The following MATN2 variants were observed in gnomAD, a reference collection of about 807,000 sequenced individuals.
MATN2 encodes matrilin 2.
A neutral mutation model predicts 103.2 loss-of-function variants in MATN2; 69 were observed. The ratio of observed to expected loss-of-function variants is 0.67; its 90% CI spans 0.55 to 0.82. The LOEUF is 0.82. MATN2 is among the 40% of genes least tolerant of loss of function. The probability of loss-of-function intolerance (pLI) is 0.00; values close to 1 mark genes in which losing one functional copy is unlikely to be tolerated. For synonymous variants in MATN2, 429 were observed against 450.2 expected (o/e 0.95, Z 0.60); for missense variants, 1,023 against 1,211.5 (o/e 0.84, Z 2.31).
intron 5 of MATN2, among the ~76,000 whole-genome samples, chr8:97,978,539 G>A (rs898602879): frequency 6.6e-6 from 1 of 152,074 alleles, no homozygotes; most frequent in Non-Finnish European, 1.5e-5. Flanking sequence ...CATTAATAAC[G>A]CTGCTGCCTT....
At chr8:97,920,152 ATTGCT>A (rs2130103645) in intron 2 of MATN2, among the ~76,000 whole-genome samples, 1 of 152,306 alleles carries the variant, frequency 6.6e-6, no homozygotes, top group East Asian at 1.9e-4. Context: ...TTTTGAAGAA[ATTGCT>A]TTGATGGAAT....
intron 2 of MATN2, among the ~76,000 whole-genome samples, chr8:97,913,410 G>A (rs898339744): frequency 6.6e-6 from 1 of 151,646 alleles, no homozygotes; most frequent in African/African-American, 2.4e-5. Flanking sequence ...TGCCTCCCGG[G>A]TTCAAGTGAT....
intron 10 of MATN2, among the ~76,000 whole-genome samples, chr8:98,009,943 G>A (rs12549802): frequency 0.11 from 16,954 of 152,248 alleles, 1,224 homozygotes; most frequent in Middle Eastern, 0.17. Flanking sequence ...GAAATGACTG[G>A]GAGCGTGAAT....
chr8:97,920,642 C>T (rs1809779229), intron 2 of MATN2, among the ~76,000 whole-genome samples: 2 of 152,122 alleles, frequency 1.3e-5, no homozygotes, highest in South Asian at 4.1e-4. Flanking sequence ...GAGAGTCTCT[C>T]TCTGGGAAAG....
rs116494800 is a variant in MATN2 at position 97,994,671 on chromosome 8, G to A, written c.1204+69G>A. The A allele has an allele frequency of 1.0e-3, 1,512 of 1,512,158 alleles. 9 individuals carry two copies. In the African/African-American group the frequency reaches 0.012, roughly 12 times the overall value. 93.7% of individuals were successfully genotyped at this position (1,512,158 alleles called of 1,614,324 possible). ...GCTCCTCTAGTTAGTTTTCCTTTCC[G>A]TGCAAATCTTAAGCAAGATGTGCTT... On this transcript the variant is annotated intron_variant, in intron 7 of 18. Transcript: ENST00000254898.
chr8:98,019,379 T>G (rs1281504645), intron 12 of MATN2, among the ~76,000 whole-genome samples: 1 of 152,140 alleles, frequency 6.6e-6, no homozygotes, highest in African/African-American at 2.4e-5. Context: ...CTGAAGGCAG[T>G]CTGGATGCAG....
chr8:98,021,428 T>C, intron 13 of MATN2, 101 bp downstream of exon 13: 1 of 1,280,600 alleles, frequency 7.8e-7, no homozygotes, highest in Admixed American at 2.0e-5. Context: ...GCTTCTCCCA[T>C]AAATATAAAT....
At chr8:97,988,189 T>TATATATATACACAC (rs71570279) in intron 6 of MATN2, among the ~76,000 whole-genome samples, 8 of 54,948 alleles carry the variant, frequency 1.5e-4, no homozygotes, top group African/African-American at 6.2e-4. Context: ...TATATATATA[T>TATATATATACACAC]ACACACACAC....
chr8:97,953,358 T>G (rs1038459061), intron 4 of MATN2, among the ~76,000 whole-genome samples: 26 of 152,348 alleles, frequency 1.7e-4, no homozygotes, highest in Non-Finnish European at 3.2e-4. Flanking sequence ...AGGAGAAGGA[T>G]GCTAACATTT....
chr8:97,983,971 A>G (rs993136434), intron 6 of MATN2, among the ~76,000 whole-genome samples: 8 of 152,226 alleles, frequency 5.3e-5, no homozygotes, highest in African/African-American at 1.7e-4. Context: ...TGAATCAGCA[A>G]TAGAAGAACT....
intron 2 of MATN2, among the ~76,000 whole-genome samples, chr8:97,892,482 C>G (rs1381304612): frequency 1.3e-5 from 2 of 150,086 alleles, no homozygotes; most frequent in African/African-American, 4.9e-5. Flanking sequence ...TTGTAACGGT[C>G]TGGCTTCGTA....
chr8:97,929,084 G>A lies in MATN2; in HGVS notation c.143-1869G>A, dbSNP rs191112636. On this transcript the variant is annotated intron_variant, in intron 2 of 18. Transcript: ENST00000254898. ...ACCCTGGACTCACCCAGCCCTCAGG[G>A]TTATGCATGGGTATGTCAGAACGTT... 5.5e-4 allele frequency among the ~76,000 whole-genome samples: 83 copies of A among 152,158 alleles called. 1 individual carries two copies. Among genetic ancestry groups the A allele is most frequent in the Non-Finnish European group, 6.0e-4 (41 of 68,016 alleles).
chr8:97,899,077 C>T (rs1237615138), intron 2 of MATN2, among the ~76,000 whole-genome samples: 1 of 152,036 alleles, frequency 6.6e-6, no homozygotes, highest in African/African-American at 2.4e-5. Flanking sequence ...TTTTCTATAA[C>T]CCCACCCACC....
At chr8:97,935,023 G>A (rs1399841677) in intron 3 of MATN2, among the ~76,000 whole-genome samples, 3 of 152,022 alleles carry the variant, frequency 2.0e-5, no homozygotes, top group Non-Finnish European at 4.4e-5. Flanking sequence ...CCTGTGCTAG[G>A]TACTTTCAAA....
intron 2 of MATN2, among the ~76,000 whole-genome samples, chr8:97,912,331 A>T (rs952341284): frequency 2.4e-4 from 36 of 152,324 alleles, no homozygotes; most frequent in Admixed American, 2.2e-3. Context: ...CCTGTGAGAG[A>T]TTCCTGAAAT....
chr8:97,963,544 G>A (rs1456713803), intron 5 of MATN2, among the ~76,000 whole-genome samples: 1 of 152,154 alleles, frequency 6.6e-6, no homozygotes, highest in Non-Finnish European at 1.5e-5. Context: ...GTAACTTTTG[G>A]GATTTGACAT....
At chr8:97,981,184 TA>T (rs34391429) in intron 6 of MATN2, among the ~76,000 whole-genome samples, 35,808 of 142,760 alleles carry the variant, frequency 0.25, 4,893 homozygotes, top group Non-Finnish European at 0.32. Context: ...GACCTTGTCT[TA>T]AAAAAAAAAA....
At position 98,033,679 on chromosome 8, in the gene MATN2, T is replaced by C. The variant is rs749048185; in HGVS notation, c.2815+20T>C. The stretch of plus-strand genomic sequence containing the variant: ...AGCGCTATATCCTTTTCTTGCATTA[T>C]GCTTCTGTATGGAATGCAAAGAATA... On this transcript the variant is annotated intron_variant, in intron 18 of 18. Transcript: ENST00000254898. 1 of 1,439,262 alleles carries C rather than the reference T, an allele frequency of 6.9e-7. No homozygotes were observed. The highest frequency in any genetic ancestry group is 1.2e-5 in the South Asian group (1 of 83,232). 89.2% of individuals were successfully genotyped at this position (1,439,262 alleles called of 1,614,324 possible).
chr8:98,002,011 T>C (rs1201320585), intron 7 of MATN2, among the ~76,000 whole-genome samples: 1 of 152,170 alleles, frequency 6.6e-6, no homozygotes, highest in Non-Finnish European at 1.5e-5. Context: ...AGAACAATGC[T>C]GTGCAGTTAA....
Sources: allele counts gnomAD v4.1 joint callset (sites outside exome capture counted in the v4.1 genomes callset), GRCh38; gene constraint gnomAD v4.1.1; transcripts MANE v1.5; gene names NCBI Gene and HGNC (gene_info 2026-07-23, HGNC 2026-07-21).